RMP64: variants seen among roughly 807,000 people sequenced by gnomAD.
The protein encoded by RMP64 is ribonuclease MRP subunit p64, also known as nucleolus and neural progenitor protein.
the RMP64 span, chr3:113,019,390 G>A: frequency 1.6e-6 from 1 of 638,338 alleles, no homozygotes; most frequent in African/African-American, 1.8e-5. Flanking sequence ...CCAGCAAAGT[G>A]CTGGGACCGC....
chr3:113,015,469 T>C, the RMP64 span, among the ~76,000 whole-genome samples: 3 of 152,188 alleles, frequency 2.0e-5, no homozygotes, highest in Non-Finnish European at 4.4e-5. Flanking sequence ...TTTAATTAAA[T>C]ATTTTACATG....
the RMP64 span, chr3:113,013,452 T>C: frequency 8.0e-7 from 1 of 1,254,252 alleles, no homozygotes; most frequent in Non-Finnish European, 1.1e-6. Flanking sequence ...AAAAAAAGGG[T>C]TTTTTTTTTG....
chr3:113,019,005 T>C, the RMP64 span: 1 of 153,748 alleles, frequency 6.5e-6, no homozygotes, highest in Non-Finnish European at 1.4e-5. Context: ...TACAGCGCAC[T>C]GTCTCCTAAA....
the RMP64 span, chr3:113,005,960 TG>T: frequency 2.5e-6 from 4 of 1,613,550 alleles, no homozygotes; most frequent in African/African-American, 5.3e-5. Context: ...ACGAAGAAGG[TG>T]GTTGCAAATA....
chr3:113,013,299 A>C, the RMP64 span: 4 of 1,614,158 alleles, frequency 2.5e-6, no homozygotes, highest in South Asian at 1.1e-5. Flanking sequence ...GCAGTCCAAC[A>C]AGCGGAGCAA....
chr3:113,019,605 C>T, the RMP64 span: 4 of 1,613,888 alleles, frequency 2.5e-6, no homozygotes, highest in East Asian at 2.2e-5. Context: ...GGGATTCTCA[C>T]ACGGTTCCAC....
At chr3:113,017,322 G>T in the RMP64 span, 1 of 714,504 alleles carries the variant, frequency 1.4e-6, no homozygotes, top group Non-Finnish European at 2.3e-6. Flanking sequence ...TGGGCTATAG[G>T]CCTATAAAAC....
At chr3:113,004,656 A>T in the RMP64 span, 1 of 152,186 alleles carries the variant, frequency 6.6e-6, no homozygotes, top group Non-Finnish European at 1.5e-5. Context: ...TTATTTGAAA[A>T]TACTCAAGAT....
chr3:113,008,466 A>G, the RMP64 span: 2 of 1,560,412 alleles, frequency 1.3e-6, no homozygotes, highest in Admixed American at 1.7e-5. Flanking sequence ...TATATTGGAC[A>G]TGTTACTGAC....
chr3:113,009,337 A>G, the RMP64 span, among the ~76,000 whole-genome samples: 2 of 152,220 alleles, frequency 1.3e-5, no homozygotes, highest in Non-Finnish European at 2.9e-5. Flanking sequence ...AAAAAAGTAG[A>G]AAATATAAAA....
chr3:113,016,670 A>G, the RMP64 span, among the ~76,000 whole-genome samples: 1 of 152,218 alleles, frequency 6.6e-6, no homozygotes, highest in Non-Finnish European at 1.5e-5. Context: ...TACTAGGGGT[A>G]GAAAACTAAC....
the RMP64 span, among the ~76,000 whole-genome samples, chr3:113,018,088 C>A: frequency 6.6e-6 from 1 of 152,132 alleles, no homozygotes; most frequent in Non-Finnish European, 1.5e-5. Context: ...ATGAGAGACA[C>A]AAACATATTC....
the RMP64 span, chr3:113,019,527 C>G: frequency 1.9e-6 from 3 of 1,600,600 alleles, no homozygotes; most frequent in Non-Finnish European, 2.6e-6. Context: ...CATCCTCGCC[C>G]GGCGCCTCAC....
At chr3:113,012,140 A>C in the RMP64 span, among the ~76,000 whole-genome samples, 1 of 152,198 alleles carries the variant, frequency 6.6e-6, no homozygotes, top group Admixed American at 6.5e-5. Flanking sequence ...CATGAAAGAG[A>C]TGTCTCTTTA....
At chr3:113,010,576 C>G in the RMP64 span, 1 of 1,280,034 alleles carries the variant, frequency 7.8e-7, no homozygotes, top group South Asian at 1.2e-5. Context: ...AATCTCTGCC[C>G]TTGGTAAGAA....
the RMP64 span, chr3:113,004,816 CTATTA>C: frequency 1.3e-5 from 2 of 152,242 alleles, no homozygotes; most frequent in Admixed American, 6.5e-5. Context: ...ACCTGTTATC[CTATTA>C]TATTTCATAT....
the RMP64 span, chr3:113,017,460 C>T: frequency 1.9e-6 from 3 of 1,613,572 alleles, no homozygotes; most frequent in Non-Finnish European, 2.5e-6. Flanking sequence ...GTTTGAGGGC[C>T]AAATGGGGTT....
At chr3:113,005,599 A>C in the RMP64 span, 4 of 1,614,002 alleles carry the variant, frequency 2.5e-6, no homozygotes, top group Non-Finnish European at 3.4e-6. Flanking sequence ...TTCCTGATGT[A>C]CTGTTTTTAT....
chr3:113,014,026 G>A, the RMP64 span: 1 of 1,609,126 alleles, frequency 6.2e-7, no homozygotes, highest in East Asian at 2.2e-5. Flanking sequence ...TTTAAACATT[G>A]CTCAACCTGA....
Sources: allele counts gnomAD v4.1 joint callset (sites outside exome capture counted in the v4.1 genomes callset), GRCh38; gene constraint gnomAD v4.1.1; transcripts MANE v1.5; gene names NCBI Gene and HGNC (gene_info 2026-07-23, HGNC 2026-07-21).